The following ST6GALNAC3 variants were observed in gnomAD, a reference collection of about 807,000 sequenced individuals.
ST6GALNAC3 encodes the protein ST6 N-acetylgalactosaminide alpha-2,6-sialyltransferase 3.
A neutral mutation model predicts 32.7 loss-of-function variants in ST6GALNAC3; 25 were observed. The observed-to-expected ratio is 0.76, with a 90% CI of 0.56 to 1.07. ST6GALNAC3 has a LOEUF of 1.07. Ranked by LOEUF, ST6GALNAC3 falls within the 50% of genes least tolerant of loss-of-function variation. ST6GALNAC3 has a pLI of 0.00. For synonymous variants in ST6GALNAC3, 129 were observed against 133.1 expected, an observed-to-expected ratio of 0.97 and a Z score of 0.21; for missense variants, 355 against 382.4, an observed-to-expected ratio of 0.93 and a Z score of 0.60.
chr1:76,303,262 C>A (rs1660834314), intron 1 of ST6GALNAC3, among the ~76,000 whole-genome samples: 1 of 152,020 alleles, frequency 6.6e-6, no homozygotes, highest in Non-Finnish European at 1.5e-5. Flanking sequence ...ATGCAAGCAT[C>A]TGATTGGTTG....
intron 1 of ST6GALNAC3, among the ~76,000 whole-genome samples, chr1:76,128,627 A>G (rs980820875): frequency 9.9e-5 from 15 of 152,160 alleles, no homozygotes; most frequent in African/African-American, 3.6e-4. Flanking sequence ...GTCACACCCA[A>G]CAGAACAAAC....
chr1:76,569,677 G>C (rs1047794031), intron 3 of ST6GALNAC3, among the ~76,000 whole-genome samples: 2 of 151,916 alleles, frequency 1.3e-5, no homozygotes, highest in African/African-American at 4.8e-5. Context: ...ACAGCATTTC[G>C]GGAATTTCTT....
chr1:76,473,224 TA>T (rs772084891), intron 3 of ST6GALNAC3, among the ~76,000 whole-genome samples: 1 of 152,198 alleles, frequency 6.6e-6, no homozygotes, highest in Non-Finnish European at 1.5e-5. Context: ...GTAGAACTCA[TA>T]AATGAAGGAG....
intron 3 of ST6GALNAC3, among the ~76,000 whole-genome samples, chr1:76,440,610 A>G (rs189834376): frequency 2.0e-5 from 3 of 152,346 alleles, no homozygotes; most frequent in Admixed American, 2.0e-4. Flanking sequence ...TTAGACTTTT[A>G]CCTTCAAACC....
chr1:76,265,580 CA>C (rs1658483835), intron 1 of ST6GALNAC3, among the ~76,000 whole-genome samples: 1 of 152,060 alleles, frequency 6.6e-6, no homozygotes, highest in Non-Finnish European at 1.5e-5. Context: ...GCACTTTTAT[CA>C]AAAATTTTTT....
At chr1:76,443,937 C>T (rs981511316) in intron 3 of ST6GALNAC3, among the ~76,000 whole-genome samples, 1 of 152,166 alleles carries the variant, frequency 6.6e-6, no homozygotes, top group Non-Finnish European at 1.5e-5. Flanking sequence ...ACTGTTAGTG[C>T]AGAAAATAGT....
chr1:76,369,756 A>G (rs1398067650), intron 2 of ST6GALNAC3, among the ~76,000 whole-genome samples: 1 of 152,178 alleles, frequency 6.6e-6, no homozygotes, highest in Non-Finnish European at 1.5e-5. Context: ...TGCATAACTT[A>G]TGGTACAGAC....
intron 1 of ST6GALNAC3, among the ~76,000 whole-genome samples, chr1:76,105,521 T>TG (rs1557617247): frequency 6.6e-6 from 1 of 152,202 alleles, no homozygotes; most frequent in Non-Finnish European, 1.5e-5. Context: ...GTCACAGAGG[T>TG]GCATGGGAGA....
intron 1 of ST6GALNAC3, among the ~76,000 whole-genome samples, chr1:76,218,797 C>A (rs1196874937): frequency 6.6e-6 from 1 of 152,176 alleles, no homozygotes; most frequent in Non-Finnish European, 1.5e-5. Flanking sequence ...AATCCCAGCT[C>A]TGCCACTTCA....
At chr1:76,334,645 C>T (rs571410430) in intron 2 of ST6GALNAC3, among the ~76,000 whole-genome samples, 67 of 152,300 alleles carry the variant, frequency 4.4e-4, no homozygotes, top group Middle Eastern at 3.4e-3. Flanking sequence ...TTGGTAATCT[C>T]ACAGTAGGCA....
chr1:76,438,648 C>T (rs1255558598), intron 3 of ST6GALNAC3, among the ~76,000 whole-genome samples: 1 of 152,080 alleles, frequency 6.6e-6, no homozygotes, highest in Non-Finnish European at 1.5e-5. Flanking sequence ...TCTCTTCTTG[C>T]CTTTATGCTC....
At chr1:76,296,499 A>G (rs568379379) in intron 1 of ST6GALNAC3, among the ~76,000 whole-genome samples, 38 of 152,142 alleles carry the variant, frequency 2.5e-4, no homozygotes, top group Non-Finnish European at 4.3e-4. Context: ...CTATTCGTCA[A>G]TTCTCAATCT....
intron 1 of ST6GALNAC3, among the ~76,000 whole-genome samples, chr1:76,232,857 C>T (rs1656448655): frequency 6.6e-6 from 1 of 152,170 alleles, no homozygotes; most frequent in Non-Finnish European, 1.5e-5. Context: ...TGGAGATGAG[C>T]CACTGTCAGC....
At chr1:76,260,482 T>C (rs955547533) in intron 1 of ST6GALNAC3, among the ~76,000 whole-genome samples, 3 of 152,194 alleles carry the variant, frequency 2.0e-5, no homozygotes, top group East Asian at 3.9e-4. Context: ...TTCCACTATT[T>C]CATTCAATCA....
chr1:76,228,732 T>C (rs1656208632), intron 1 of ST6GALNAC3, among the ~76,000 whole-genome samples: 1 of 152,240 alleles, frequency 6.6e-6, no homozygotes, highest in Admixed American at 6.5e-5. Flanking sequence ...TACTTTCTTC[T>C]GTCAGAAAAC....
At chr1:76,516,494 A>G (rs1034410810) in intron 3 of ST6GALNAC3, among the ~76,000 whole-genome samples, 1 of 152,198 alleles carries the variant, frequency 6.6e-6, no homozygotes, top group African/African-American at 2.4e-5. Flanking sequence ...GCTTTTTTAC[A>G]CAAAAGATTT....
intron 1 of ST6GALNAC3, among the ~76,000 whole-genome samples, chr1:76,238,948 CTTTT>C (rs35385527): frequency 7.6e-6 from 1 of 131,282 alleles, no homozygotes; most frequent in Non-Finnish European, 1.6e-5. Flanking sequence ...TCCCACTAAC[CTTTT>C]TTTTTTTTTT....
rs553629164 is a variant in ST6GALNAC3, at chr1:76,409,024, G to C, written c.214-2984G>C. 9.3e-4 allele frequency among the ~76,000 whole-genome samples: 142 copies of C among 152,246 alleles called. 1 individual carries two copies. Among genetic ancestry groups the C allele is most frequent in the African/African-American group, 3.3e-3 (139 of 41,548 alleles). ...AGCCGTCTGGCAAGAAGAATATTATGTTCTTCTCTATTGTGTAAAAGAAGG... is the reference window on the plus strand; with the variant it reads ...AGCCGTCTGGCAAGAAGAATATTATCTTCTTCTCTATTGTGTAAAAGAAGG... On this transcript the variant is annotated intron_variant, in intron 2 of 4. Coordinates refer to ENST00000328299, the MANE Select transcript of ST6GALNAC3 (RefSeq NM_152996.4).
rs147691429 is a variant in ST6GALNAC3 at position 76,623,813 on chromosome 1, T to C, written c.624-3639T>C. 4.3e-3 allele frequency among the ~76,000 whole-genome samples: 650 copies of C among 152,022 alleles called. 9 individuals are homozygous for C. The highest frequency in any genetic ancestry group is 0.014 in the African/African-American group (587 of 41,482). On this transcript the variant is annotated intron_variant, in intron 3 of 4. Transcript: ENST00000328299. ...ATTTCCAGTATGCTCACACAGCAAC[T>C]CGGTAGAGTTTGGAAATGGTACGGC...
Sources: allele counts gnomAD v4.1 joint callset (sites outside exome capture counted in the v4.1 genomes callset), GRCh38; gene constraint gnomAD v4.1.1; transcripts MANE v1.5; gene names NCBI Gene and HGNC (gene_info 2026-07-23, HGNC 2026-07-21).